The following RBM15 variants were observed in gnomAD, a reference collection of about 807,000 sequenced individuals.
RBM15 encodes RNA-binding protein 15.
In RBM15, 8 loss-of-function variants were observed where a neutral mutation model predicts 62.6. That is an observed-to-expected ratio of 0.13 (90% CI 0.07 to 0.23). The LOEUF (loss-of-function observed/expected upper bound fraction) is 0.23. RBM15 is among the 10% of genes least tolerant of loss of function. RBM15 has a pLI of 1.00. For missense variants in RBM15, 1,144 were observed against 1,286.5 expected, an observed-to-expected ratio of 0.89 and a Z score of 1.69; for synonymous variants, 606 against 505.7, an observed-to-expected ratio of 1.20 and a Z score of -2.66.
chr1:110,341,785 C>T lies in RBM15; in HGVS notation c.2380C>T (p.Leu794=), dbSNP rs1660804894. The T allele has an allele frequency of 6.2e-7, 1 of 1,614,208 alleles. No individual in the cohort carries two copies. The part of the protein sequence containing the change: ...LCLAWQGMLL[L]KNSNFPSNMH... ...TTTGGCCTGGCAGGGCATGCTTCTACTGAAGAACAGCAACTTTCCTTCCAA... is the reference window on the plus strand; with the variant it reads ...TTTGGCCTGGCAGGGCATGCTTCTATTGAAGAACAGCAACTTTCCTTCCAA... Residue 794 remains leucine (L), a synonymous_variant, in exon 1 of 3, where the codon CTG becomes TTG. Coordinates refer to ENST00000369784, the MANE Select transcript of RBM15 (RefSeq NM_022768.5). The surrounding 1 kb of genome is among the most constrained non-coding windows in gnomAD (Gnocchi z 4.5).
rs761237379 is a variant in RBM15 at position 110,342,264 on chromosome 1, C to T, written c.2859C>T (p.Val953=). 4.5e-6 allele frequency: 7 copies of T among 1,572,708 alleles called. No homozygotes were observed. Among genetic ancestry groups the T allele is most frequent in the Non-Finnish European group, 6.0e-6 (7 of 1,158,462 alleles). Reference sequence around the variant, plus strand: ...AAGATTACCTGGTCATGATCATTGTCCGTGGTGCGTCCTAAAGTCCATGTG... The same window carrying T: ...AAGATTACCTGGTCATGATCATTGTTCGTGGTGCGTCCTAAAGTCCATGTG... ...SEEDYLVMII[V]RGFGFQIGVR... The change falls in exon 1 of 3, where the codon GTC becomes GTT. Residue 953 remains valine (V), a synonymous_variant. Transcript: ENST00000369784.
Position 110,341,425 on chromosome 1 carries a change from A to G in RBM15, c.2020A>G (p.Ser674Gly). The change falls in exon 1 of 3, where the codon AGT becomes GGT. Residue 674 changes from serine (S) to glycine (G), a missense_variant. Transcript: ENST00000369784. The surrounding 1 kb of genome is among the most constrained non-coding windows in gnomAD (Gnocchi z 4.5). ...KRHCAPSPDR[S>G]PELSSSRDRY... ...TCACTGCGCTCCTTCTCCTGACCGC[A>G]GTCCAGAATTGAGCAGTAGCCGGGA... is the stretch of plus-strand genomic sequence containing the variant. 6.2e-7 allele frequency: 1 copy of G among 1,614,160 alleles called. No individual in the cohort carries two copies. The highest frequency in any genetic ancestry group is 8.5e-7 in the Non-Finnish European group (1 of 1,180,028).
chr1:110,341,200 C>T lies in RBM15; in HGVS notation c.1795C>T (p.Arg599Trp). 1.9e-6 allele frequency: 3 copies of T among 1,614,096 alleles called. No individual in the cohort carries two copies. Among genetic ancestry groups the T allele is most frequent in the African/African-American group, 1.3e-5 (1 of 75,026 alleles). The change falls in exon 1 of 3, where the codon CGG becomes TGG. Residue 599 changes from arginine (R) to tryptophan (W), a missense_variant. Arg to Trp is a moderately radical substitution (Grantham distance 101). Transcript: ENST00000369784. The surrounding 1 kb of genome is among the most constrained non-coding windows in gnomAD (Gnocchi z 4.5). ...PPPPVRERST[R>W]TAATSVPAYE... ...ACCCCCAGTCCGAGAACGCAGCACTCGGACTGCAGCTACTTCTGTGCCTGC... is the reference window on the plus strand; with the variant it reads ...ACCCCCAGTCCGAGAACGCAGCACTTGGACTGCAGCTACTTCTGTGCCTGC...
rs1660781675 is a variant in RBM15 at position 110,340,945 on chromosome 1, C to G, written c.1540C>G (p.Pro514Ala). ...TGCCTGGACCCATATGCGGGGCTTC[C>G]CACTTGGTGGCCCAGATCGACGCCT... ...HAAWTHMRGF[P>A]LGGPDRRLRV... Residue 514 changes from proline to alanine, a missense_variant, in exon 1 of 3, where the codon CCA becomes GCA. By Grantham distance (27) the Pro-to-Ala change is conservative. Transcript: ENST00000369784. This position sits in a 1 kb window ranked among gnomAD's most constrained non-coding sequence, Gnocchi z 5.8. The G allele has an allele frequency of 1.2e-6, 2 of 1,614,204 alleles. No homozygotes were observed.
chr1:110,344,395 T>C (rs1486873097), intron 1 of RBM15, among the ~76,000 whole-genome samples: 1 of 152,184 alleles, frequency 6.6e-6, no homozygotes, highest in Non-Finnish European at 1.5e-5. Context: ...TCTTTTACTT[T>C]CTTTTTTTTT....
At position 110,341,639 on chromosome 1, in the gene RBM15, A is replaced by G. The variant is rs775810097; in HGVS notation, c.2234A>G (p.Lys745Arg). ...ACTGAGGGAAAAAGCCCTCTGAAAA[A>G]AGAAGACCGCTCTGATGGGAGTGCA... ...APTEGKSPLK[K>R]EDRSDGSAPS... The change falls in exon 1 of 3, where the codon AAA becomes AGA. Residue 745 changes from lysine (K) to arginine (R), a missense_variant. By Grantham distance (26) the Lys-to-Arg change is conservative (BLOSUM62 2). Transcript: ENST00000369784. The surrounding 1 kb of genome is among the most constrained non-coding windows in gnomAD (Gnocchi z 4.5). 1.5e-5 allele frequency: 25 copies of G among 1,614,086 alleles called. No individual in the cohort carries two copies. Among genetic ancestry groups the G allele is most frequent in the Non-Finnish European group, 2.0e-5 (24 of 1,180,010 alleles).
chr1:110,344,068 A>G (rs1439681347), intron 1 of RBM15, among the ~76,000 whole-genome samples: 9 of 152,226 alleles, frequency 5.9e-5, no homozygotes, highest in African/African-American at 2.2e-4. Context: ...GGCTATGAGC[A>G]TGAAGGTCCT....
chr1:110,342,159 G>T lies in RBM15; in HGVS notation c.2754G>T (p.Gly918=). 1 of 1,614,108 alleles carries T rather than the reference G, an allele frequency of 6.2e-7. No homozygotes were observed. Among genetic ancestry groups the T allele is most frequent in the African/African-American group, 1.3e-5 (1 of 75,034 alleles). Reference sequence around the variant, plus strand: ...GCAACAAAGACAAGGAAAACACCGGGGTCCTTCATGCCTTCCCACCTTGTG... The same window carrying T: ...GCAACAAAGACAAGGAAAACACCGGTGTCCTTCATGCCTTCCCACCTTGTG... ...VGGNKDKENT[G]VLHAFPPCEF... The change falls in exon 1 of 3, where the codon GGG becomes GGT. Residue 918 remains glycine, a synonymous_variant. Transcript: ENST00000369784.
rs752590664 is a variant in RBM15, at chr1:110,341,929, T to C, written c.2524T>C (p.Leu842=). 15 of 1,614,014 alleles carry C rather than the reference T, an allele frequency of 9.3e-6. No individual in the cohort carries two copies. The highest frequency in any genetic ancestry group is 1.3e-5 in the Non-Finnish European group (15 of 1,180,024). The change falls in exon 1 of 3, where the codon TTG becomes CTG. Residue 842 remains leucine, a synonymous_variant. Coordinates refer to ENST00000369784, the MANE Select transcript of RBM15 (RefSeq NM_022768.5). This position sits in a 1 kb window ranked among gnomAD's most constrained non-coding sequence, Gnocchi z 4.5. ...GCGTCTCCGTTTGGACCAGCCCAAG[T>C]TGGATGAAGTAACTCGACGCATCAA... ...TQRLRLDQPK[L]DEVTRRIKVA...
intron 2 of RBM15, 140 bp downstream of exon 2, chr1:110,345,789 G>T: frequency 1.6e-6 from 1 of 606,912 alleles, no homozygotes. Context: ...AACGGCTGCT[G>T]TCTTTGGTAA....
Position 110,341,637 on chromosome 1 carries a change from A to G in RBM15, c.2232A>G (p.Lys744=). The G allele has an allele frequency of 1.2e-6, 2 of 1,614,148 alleles. No individual in the cohort carries two copies. The highest frequency in any genetic ancestry group is 1.7e-6 in the Non-Finnish European group (2 of 1,180,030). Residue 744 remains lysine, a synonymous_variant, in exon 1 of 3, where the codon AAA becomes AAG. Transcript: ENST00000369784. This position sits in a 1 kb window ranked among gnomAD's most constrained non-coding sequence, Gnocchi z 4.5. ...CCACTGAGGGAAAAAGCCCTCTGAAAAAAGAAGACCGCTCTGATGGGAGTG... is the reference window on the plus strand; with the variant it reads ...CCACTGAGGGAAAAAGCCCTCTGAAGAAAGAAGACCGCTCTGATGGGAGTG... ...TAPTEGKSPL[K]KEDRSDGSAP...
Position 110,341,365 on chromosome 1 carries a change from G to T in RBM15, c.1960G>T (p.Asp654Tyr). The stretch of plus-strand genomic sequence containing the variant: ...TGAGGAGAGTGGAGGACGTCATCTG[G>T]ATAGGTCTCCTGAGAGTGACCGCCC... ...LPEESGGRHL[D>Y]RSPESDRPRK... is the part of the protein sequence containing the mutation. The change falls in exon 1 of 3, where the codon GAT (aspartate) becomes TAT (tyrosine). Residue 654 changes from aspartate (D) to tyrosine (Y), a missense_variant. Around this residue, in one of 8 missense-constraint regions of RBM15, gnomAD observed 360 missense variants for 342.9 expected, o/e 1.05. Transcript: ENST00000369784. This position sits in a 1 kb window ranked among gnomAD's most constrained non-coding sequence, Gnocchi z 4.5. 10 of 1,614,096 alleles carry T rather than the reference G, an allele frequency of 6.2e-6. No homozygotes were observed. Among genetic ancestry groups the T allele is most frequent in the Non-Finnish European group, 8.5e-6 (10 of 1,179,976 alleles).
chr1:110,343,665 C>T (rs1660845877), intron 1 of RBM15, among the ~76,000 whole-genome samples: 1 of 151,758 alleles, frequency 6.6e-6, no homozygotes, highest in African/African-American at 2.4e-5. Context: ...TATTTTTCTC[C>T]CTTGATTTAA....
At position 110,344,534 on chromosome 1, in the gene RBM15, T is replaced by C. The variant is rs968830904; in HGVS notation, c.2864-1005T>C. On this transcript the variant is annotated intron_variant, in intron 1 of 2. Coordinates refer to ENST00000369784, the MANE Select transcript of RBM15 (RefSeq NM_022768.5). ...TCTGGGCAATTTGTGCTTCAGTGTT[T>C]TTGAAACAATGGCTTGATACCATTT... Among the ~76,000 whole-genome samples the C allele has an allele frequency of 2.6e-5, 4 of 152,184 alleles. No individual in the cohort carries two copies. The South Asian group carries it at 8.3e-4, about 32-fold the overall frequency.
rs1272787753 is a variant in RBM15, at chr1:110,339,446, C to T, written c.41C>T (p.Pro14Leu). Residue 14 changes from proline to leucine, a missense_variant, in exon 1 of 3, where the codon CCA (proline) becomes CTA (leucine). Coordinates refer to ENST00000369784, the MANE Select transcript of RBM15 (RefSeq NM_022768.5). ...AGRDPVPRRS[P>L]RWRRAVPLCE... ...CGGGACCCTGTGCCGCGGCGGAGTCCAAGATGGCGGCGTGCGGTTCCGCTG... is the reference window on the plus strand; with the variant it reads ...CGGGACCCTGTGCCGCGGCGGAGTCTAAGATGGCGGCGTGCGGTTCCGCTG... The T allele has an allele frequency of 1.3e-6, 2 of 1,541,052 alleles. No individual in the cohort carries two copies. Among genetic ancestry groups the T allele is most frequent in the Non-Finnish European group, 8.8e-7 (1 of 1,141,296 alleles).
rs774953602 is a variant in RBM15 at position 110,341,869 on chromosome 1, A to G, written c.2464A>G (p.Thr822Ala). ...VASSLLVEGSTGGKVAQLKIT... is the reference protein window; with the variant it reads ...VASSLLVEGSAGGKVAQLKIT... ...TAGTAGTCTTCTTGTGGAGGGTTCA[A>G]CTGGAGGCAAAGTGGCCCAGCTCAA... Residue 822 changes from threonine (T) to alanine (A), a missense_variant, in exon 1 of 3, where the codon ACT becomes GCT. Coordinates refer to ENST00000369784, the MANE Select transcript of RBM15 (RefSeq NM_022768.5). This position sits in a 1 kb window ranked among gnomAD's most constrained non-coding sequence, Gnocchi z 4.5. 3 of 1,614,180 alleles carry G rather than the reference A, an allele frequency of 1.9e-6. No homozygotes were observed. Among genetic ancestry groups the G allele is most frequent in the Non-Finnish European group, 2.5e-6 (3 of 1,180,044 alleles).
At position 110,346,533 on chromosome 1, in the gene RBM15, G is replaced by A; in HGVS notation, c.*266G>A. 4 of 648,428 alleles carry A rather than the reference G, an allele frequency of 6.2e-6. No homozygotes were observed. The South Asian group carries it at 7.6e-5, about 12-fold the overall frequency. 40.2% of individuals were successfully genotyped at this position (648,428 alleles called of 1,614,324 possible). ...GGAAAAAAAATGACCTCTTTGATTT[G>A]TGCTGTGTACACAAGATTTCTGGAA... On this transcript the variant is annotated 3_prime_UTR_variant, in exon 3 of 3. Transcript: ENST00000369784.
At chr1:110,344,338 A>G (rs574165941) in intron 1 of RBM15, among the ~76,000 whole-genome samples, 2 of 152,328 alleles carry the variant, frequency 1.3e-5, no homozygotes, top group East Asian at 3.9e-4. Flanking sequence ...AGTGAAGTCC[A>G]TGACATCTAA....
At position 110,339,925 on chromosome 1, in the gene RBM15, A is replaced by G. The variant is rs780447466; in HGVS notation, c.520A>G (p.Ile174Val). Reference sequence around the variant, plus strand: ...CGGCGCGGAATACAAGACTCTGAAGATAAGCGAGTTGGGGTCCCAGCTTAG... The same window carrying G: ...CGGCGCGGAATACAAGACTCTGAAGGTAAGCGAGTTGGGGTCCCAGCTTAG... The part of the protein sequence containing the change: ...GDGAEYKTLK[I>V]SELGSQLSDE... Residue 174 changes from isoleucine to valine, a missense_variant, in exon 1 of 3, where the codon ATA (isoleucine) becomes GTA (valine). By Grantham distance (29) the Ile-to-Val change is conservative. Around this residue, in one of 8 missense-constraint regions of RBM15, gnomAD observed 298 missense variants for 250.0 expected, o/e 1.19. Transcript: ENST00000369784. 6.2e-7 allele frequency: 1 copy of G among 1,613,758 alleles called. No homozygotes were observed. Among genetic ancestry groups the G allele is most frequent in the Admixed American group, 1.7e-5 (1 of 60,020 alleles).
Sources: allele counts gnomAD v4.1 joint callset (sites outside exome capture counted in the v4.1 genomes callset), GRCh38; gene constraint gnomAD v4.1.1; regional missense constraint gnomAD v4.1.1; non-coding constraint Gnocchi (gnomAD v3.1); transcripts MANE v1.5; gene names NCBI Gene and HGNC (gene_info 2026-07-23, HGNC 2026-07-21).